Variants in AFF3 observed in about 807,000 individuals in gnomAD.
AFF3 encodes ALF transcription elongation factor 3.
A neutral mutation model predicts 129.7 loss-of-function variants in AFF3; 32 were observed. The observed-to-expected ratio is 0.25, with a 90% CI of 0.19 to 0.33. The LOEUF (loss-of-function observed/expected upper bound fraction) is 0.33. AFF3 is among the 10% of genes least tolerant of loss of function. AFF3 has a pLI of 1.00. For missense variants in AFF3, 1,373 were observed against 1,592.0 expected (o/e 0.86, Z 2.34); for synonymous variants, 644 against 635.4 (o/e 1.01, Z -0.20).
intron 7 of AFF3, among the ~76,000 whole-genome samples, chr2:99,891,366 G>A (rs369076501): frequency 2.0e-5 from 3 of 152,220 alleles, no homozygotes; most frequent in African/African-American, 7.2e-5. Context: ...CTGTCTCCGG[G>A]AATTAGCTAG....
intron 4 of AFF3, among the ~76,000 whole-genome samples, chr2:100,021,092 T>C (rs1683551627): frequency 6.6e-6 from 1 of 152,194 alleles, no homozygotes. Context: ...CTCACTTTAG[T>C]GATTTTTCCC....
intron 7 of AFF3, among the ~76,000 whole-genome samples, chr2:99,997,116 G>C (rs1211038818): frequency 1.3e-5 from 2 of 152,032 alleles, no homozygotes; most frequent in Non-Finnish European, 2.9e-5. Flanking sequence ...CAAGGCATTA[G>C]ATGTCACGTG....
intron 11 of AFF3, among the ~76,000 whole-genome samples, chr2:99,696,715 G>GGCGCAATCACA (rs11283941): frequency 1.3e-5 from 2 of 151,836 alleles, no homozygotes; most frequent in Non-Finnish European, 2.9e-5. Context: ...GGAGTGCAGT[G>GGCGCAATCACA]GCTCACTGCA....
Position 99,941,644 on chromosome 2 carries a change from C to T in AFF3, c.873+64988G>A, listed in dbSNP as rs538172733. Among the ~76,000 whole-genome samples the T allele has an allele frequency of 4.6e-5, 7 of 152,322 alleles. No homozygotes were observed. The East Asian group carries it at 1.4e-3, about 29-fold the overall frequency. On this transcript the variant is annotated intron_variant, in intron 7 of 24. Coordinates refer to ENST00000672756, the MANE Select transcript of AFF3 (RefSeq NM_001386135.1). ...TTCAATGAGATCAAAGAAGCTCTAT[C>T]TGGGGGCTTCTTACAAAGCTTCCTA...
At chr2:100,055,492 A>T (rs1455682243) in intron 4 of AFF3, among the ~76,000 whole-genome samples, 1 of 151,938 alleles carries the variant, frequency 6.6e-6, no homozygotes, top group African/African-American at 2.4e-5. Flanking sequence ...AAGAAAAGAA[A>T]AGAAAGAAAA....
chr2:99,642,391 A>T (rs1227748930), intron 13 of AFF3, among the ~76,000 whole-genome samples: 1 of 152,038 alleles, frequency 6.6e-6, no homozygotes, highest in Non-Finnish European at 1.5e-5. Context: ...ACATCCATAC[A>T]AGCAGGCATG....
intron 8 of AFF3, among the ~76,000 whole-genome samples, chr2:99,796,587 C>T (rs982467252): frequency 3.3e-5 from 5 of 152,142 alleles, no homozygotes; most frequent in Admixed American, 3.3e-4. Flanking sequence ...CCAGTGAACA[C>T]ACTGAGCTGA....
chr2:99,837,499 C>A lies in AFF3; in HGVS notation c.899G>T (p.Ser300Ile), dbSNP rs1576146424. ...TACCCGGATTATTTCTTCAACACAG[C>A]TGTTGGTTTCTCCAGATCTACTCTC... ...GEESRSGETN[S>I]CVEEIIREMT... Residue 300 changes from serine to isoleucine, a missense_variant, in exon 8 of 25, where the codon AGC (serine) becomes ATC (isoleucine). Ser to Ile is a moderately radical substitution (Grantham distance 142). This residue lies in a region of AFF3 where 413 missense variants were observed against 424.4 expected (regional missense o/e 0.97). Coordinates refer to ENST00000672756, the MANE Select transcript of AFF3 (RefSeq NM_001386135.1). 1.2e-6 allele frequency: 2 copies of A among 1,613,758 alleles called. No individual in the cohort carries two copies. The highest frequency in any genetic ancestry group is 1.1e-5 in the South Asian group (1 of 91,060).
At chr2:99,656,339 A>G (rs1216109725) in intron 12 of AFF3, among the ~76,000 whole-genome samples, 1 of 152,212 alleles carries the variant, frequency 6.6e-6, no homozygotes, top group African/African-American at 2.4e-5. Context: ...TATCAACAGT[A>G]TCAGATTTAT....
chr2:99,654,046 A>AT (rs201955139), intron 12 of AFF3, among the ~76,000 whole-genome samples: 2 of 151,974 alleles, frequency 1.3e-5, no homozygotes, highest in African/African-American at 2.4e-5. Context: ...AACCCAGCTA[A>AT]TTTTTTTGTA....
At chr2:99,845,009 T>A (rs1268860380) in intron 7 of AFF3, among the ~76,000 whole-genome samples, 5 of 151,944 alleles carry the variant, frequency 3.3e-5, no homozygotes, top group African/African-American at 1.2e-4. Flanking sequence ...TTTATAAGAA[T>A]AATGCCGGTT....
chr2:99,869,055 C>G (rs1576232676), intron 7 of AFF3, among the ~76,000 whole-genome samples: 1 of 151,220 alleles, frequency 6.6e-6, no homozygotes, highest in East Asian at 2.0e-4. Context: ...CCTCTGCCTC[C>G]CAAAGTGCTA....
intron 8 of AFF3, among the ~76,000 whole-genome samples, chr2:99,834,963 C>G (rs1346619): frequency 0.098 from 14,865 of 152,166 alleles, 2,396 homozygotes; most frequent in African/African-American, 0.34. Context: ...CTCCTGACCT[C>G]CAATATGTTG....
rs775530831 is a variant in AFF3, at chr2:99,551,419, A to C, written c.*55T>G. On this transcript the variant is annotated 3_prime_UTR_variant, in exon 25 of 25. Transcript: ENST00000672756. ...GGAGTTTCAGTAGCACAGTGTCCAA[A>C]AACGTTGAGCCATCTGTGGAGACCA... 7.1e-5 allele frequency: 114 copies of C among 1,606,518 alleles called. No individual in the cohort carries two copies. The highest frequency in any genetic ancestry group is 9.6e-5 in the Non-Finnish European group (113 of 1,176,254).
intron 4 of AFF3, among the ~76,000 whole-genome samples, chr2:100,051,708 T>A (rs1686352500): frequency 6.6e-6 from 1 of 152,204 alleles, no homozygotes; most frequent in Admixed American, 6.5e-5. Context: ...CTCTGTGTGT[T>A]CACAGATGTA....
intron 7 of AFF3, among the ~76,000 whole-genome samples, chr2:99,856,998 T>C (rs1690578479): frequency 6.6e-6 from 1 of 152,122 alleles, no homozygotes; most frequent in African/African-American, 2.4e-5. Context: ...TTTTATAGAG[T>C]ACTACTCATT....
intron 11 of AFF3, among the ~76,000 whole-genome samples, chr2:99,695,953 A>C (rs1448643972): frequency 5.9e-5 from 8 of 135,036 alleles, no homozygotes; most frequent in African/African-American, 2.1e-4. Context: ...AAAAAAAAAA[A>C]AAAAAAACCA....
At chr2:99,683,837 T>C (rs1274092151) in intron 11 of AFF3, among the ~76,000 whole-genome samples, 1 of 152,234 alleles carries the variant, frequency 6.6e-6, no homozygotes. Flanking sequence ...AGTGTCTCAC[T>C]GCTTATTGGG....
chr2:99,786,680 A>G (rs78586322), intron 8 of AFF3, among the ~76,000 whole-genome samples: 3,672 of 152,142 alleles, frequency 0.024, 59 homozygotes, highest in Non-Finnish European at 0.038. Context: ...AAAGTTGCAT[A>G]GTAAAAAAAA....
Sources: gnomAD v4.1 joint callset for allele counts (sites outside exome capture counted in the v4.1 genomes callset) on GRCh38, gnomAD v4.1.1 for gene constraint, gnomAD v4.1.1 regional missense constraint, MANE v1.5 for transcripts, NCBI Gene and HGNC (gene_info 2026-07-23, HGNC 2026-07-21) for gene names.